DNM1: variants seen among roughly 807,000 people sequenced by gnomAD.
The protein encoded by DNM1 is dynamin-1.
In DNM1, 29 loss-of-function variants were observed where a neutral mutation model predicts 104.6. The observed-to-expected ratio is 0.28, with a 90% CI of 0.21 to 0.38. DNM1 has a LOEUF of 0.38. Among genes scored for constraint, DNM1 ranks in the 10% least tolerant of loss-of-function variants. The probability of loss-of-function intolerance (pLI) is 1.00; values close to 1 mark genes in which losing one functional copy is unlikely to be tolerated. For synonymous variants in DNM1, 445 were observed against 475.8 expected (o/e 0.94, Z 0.84); for missense variants, 640 against 1,189.4 (o/e 0.54, Z 6.79).
intron 10 of DNM1, among the ~76,000 whole-genome samples, chr9:128,225,194 C>T (rs1835267042): frequency 6.6e-6 from 1 of 152,188 alleles, no homozygotes; most frequent in African/African-American, 2.4e-5. Flanking sequence ...CTCCTCGATT[C>T]CACCCTCCAG....
intron 1 of DNM1, among the ~76,000 whole-genome samples, chr9:128,215,381 G>A (rs918780391): frequency 5.9e-5 from 9 of 152,224 alleles, no homozygotes; most frequent in Non-Finnish European, 1.0e-4. Flanking sequence ...AGGAGCATGC[G>A]TCTGGACAAA....
At position 128,218,024 on chromosome 9, in the gene DNM1, T is replaced by C. The variant is rs147974896; in HGVS notation, c.162-207T>C. On this transcript the variant is annotated intron_variant, in intron 1 of 21. Coordinates refer to ENST00000372923, the MANE Select transcript of DNM1 (RefSeq NM_004408.4). The surrounding 1 kb of genome is among the most constrained non-coding windows in gnomAD (Gnocchi z 4.8). ...CTCTTGGCAGCTCAGATGCATAAAT[T>C]CTGTGACCCAGGCGACTTGAGGAAA... 3.5e-4 allele frequency among the ~76,000 whole-genome samples: 54 copies of C among 152,268 alleles called. No individual in the cohort carries two copies. Among genetic ancestry groups the C allele is most frequent in the Admixed American group, 8.5e-4 (13 of 15,286 alleles).
chr9:128,209,409 G>C (rs1309779529), intron 1 of DNM1, among the ~76,000 whole-genome samples: 1 of 152,162 alleles, frequency 6.6e-6, no homozygotes, highest in African/African-American at 2.4e-5. Flanking sequence ...GAGAGGGTGG[G>C]CAGGGCAGGA....
chr9:128,250,059 G>C, intron 19 of DNM1, 56 bp from the exon 20 acceptor site: 1 of 1,612,596 alleles, frequency 6.2e-7, no homozygotes. Context: ...CGGTGGGGCG[G>C]CCAGGGCGGC....
At chr9:128,244,162 G>T (rs888703065) in intron 15 of DNM1, among the ~76,000 whole-genome samples, 2 of 151,878 alleles carry the variant, frequency 1.3e-5, no homozygotes, top group Non-Finnish European at 2.9e-5. Context: ...AGGAGGGAGG[G>T]TGTGAGTATG....
At position 128,254,697 on chromosome 9, in the gene DNM1, C is replaced by G; in HGVS notation, c.2578C>G (p.Pro860Ala). 6.3e-7 allele frequency: 1 copy of G among 1,596,224 alleles called. No homozygotes were observed. The highest frequency in any genetic ancestry group is 8.5e-7 in the Non-Finnish European group (1 of 1,179,612). ...ASPSRPESPR[P>A]PFDL is the part of the protein sequence containing the mutation. Reference sequence around the variant, plus strand: ...TCCATCCCGTCCTGAGAGCCCCAGGCCCCCCTTCGACCTCTAAACAGATCC... The same window carrying G: ...TCCATCCCGTCCTGAGAGCCCCAGGGCCCCCTTCGACCTCTAAACAGATCC... Residue 860 changes from proline to alanine, a missense_variant, in exon 22 of 22, where the codon CCC becomes GCC. Pro to Ala is a conservative substitution (Grantham distance 27). This residue lies in a region of DNM1 where 37 missense variants were observed against 35.6 expected (regional missense o/e 1.04). Coordinates refer to ENST00000372923, the MANE Select transcript of DNM1 (RefSeq NM_004408.4). This position sits in a 1 kb window ranked among gnomAD's most constrained non-coding sequence, Gnocchi z 6.1.
At position 128,248,532 on chromosome 9, in the gene DNM1, A is replaced by C. The variant is rs1443543548; in HGVS notation, c.1906-51A>C. ...GGGCTGAGATCCTGGGGATGCCTGG[A>C]GCCTGGCTGCATGGCCTGGCCACCT... On this transcript the variant is annotated intron_variant, in intron 18 of 21. Coordinates refer to ENST00000372923, the MANE Select transcript of DNM1 (RefSeq NM_004408.4). This position sits in a 1 kb window ranked among gnomAD's most constrained non-coding sequence, Gnocchi z 5.6. 1 of 1,592,434 alleles carries C rather than the reference A, an allele frequency of 6.3e-7. No homozygotes were observed. The highest frequency in any genetic ancestry group is 8.6e-7 in the Non-Finnish European group (1 of 1,164,728).
intron 1 of DNM1, among the ~76,000 whole-genome samples, chr9:128,207,161 G>T (rs1041857042): frequency 6.6e-6 from 1 of 152,082 alleles, no homozygotes; most frequent in Non-Finnish European, 1.5e-5. Context: ...GGAGCAGACT[G>T]GGGGGATGGG....
chr9:128,213,598 C>T (rs763623283), intron 1 of DNM1, among the ~76,000 whole-genome samples: 9 of 152,114 alleles, frequency 5.9e-5, no homozygotes, highest in Non-Finnish European at 1.3e-4. Flanking sequence ...GGAGAGAGCA[C>T]CTACCCGGAC....
rs1479873754 is a variant in DNM1 at position 128,254,318 on chromosome 9, G to A, written c.2535-336G>A. On this transcript the variant is annotated intron_variant, in intron 21 of 21. Transcript: ENST00000372923. The surrounding 1 kb of genome is among the most constrained non-coding windows in gnomAD (Gnocchi z 6.1). ...AGTGGGTTGGAAGACAGGGTGACCA[G>A]AGAAGAGGGAAGCCCGAGGGGGCCG... 14 of 1,398,314 alleles carry A rather than the reference G, an allele frequency of 1.0e-5. No homozygotes were observed. The highest frequency in any genetic ancestry group is 1.3e-5 in the Non-Finnish European group (14 of 1,086,288). The allele number at this position is 1,398,314 out of a possible 1,614,324, so 86.6% of individuals were successfully genotyped here.
intron 1 of DNM1, among the ~76,000 whole-genome samples, chr9:128,215,998 G>A (rs1429362310): frequency 6.6e-6 from 1 of 152,124 alleles, no homozygotes; most frequent in Non-Finnish European, 1.5e-5. Context: ...TAAAGGATGG[G>A]AGAGATTGAG....
At chr9:128,234,171 A>T in intron 11 of DNM1, 64 bp downstream of exon 11, 1 of 1,333,232 alleles carries the variant, frequency 7.5e-7, no homozygotes, top group East Asian at 2.7e-5. Flanking sequence ...TGCGCCTTCC[A>T]CTCCTGGCCC....
chr9:128,218,500 T>C lies in DNM1; in HGVS notation c.236-82T>C. 2.0e-6 allele frequency: 3 copies of C among 1,514,848 alleles called. No individual in the cohort carries two copies. Among genetic ancestry groups the C allele is most frequent in the Non-Finnish European group, 1.8e-6 (2 of 1,105,862 alleles). The allele number at this position is 1,514,848 out of a possible 1,614,324, so 93.8% of individuals were successfully genotyped here. A position where few individuals can be genotyped will look rare whatever the true frequency, so the allele number is the denominator to read the frequency against. ...GCTTGGGTGTGTCTAGGGGGTTCTATTACCGGTGGGAGATGAAAACCCCCA... is the reference window on the plus strand; with the variant it reads ...GCTTGGGTGTGTCTAGGGGGTTCTACTACCGGTGGGAGATGAAAACCCCCA... On this transcript the variant is annotated intron_variant, in intron 2 of 21. Transcript: ENST00000372923. This position sits in a 1 kb window ranked among gnomAD's most constrained non-coding sequence, Gnocchi z 4.8.
chr9:128,238,413 G>A (rs910586379), intron 11 of DNM1, among the ~76,000 whole-genome samples: 2 of 151,438 alleles, frequency 1.3e-5, no homozygotes, highest in Non-Finnish European at 2.9e-5. Flanking sequence ...TAGTAGAGAC[G>A]GGATTTCTCC....
Position 128,203,387 on chromosome 9 carries a change from C to A in DNM1, c.-84C>A. On this transcript the variant is annotated 5_prime_UTR_variant, in exon 1 of 22. Transcript: ENST00000372923. The surrounding 1 kb of genome is among the most constrained non-coding windows in gnomAD (Gnocchi z 5.3). ...GGCCCCGCGGCGCAGGCAGTCTGGG[C>A]GCGCGGCTGCAGCGGCGGAGCCGGA... 1.6e-6 allele frequency: 2 copies of A among 1,276,152 alleles called. No homozygotes were observed. Among genetic ancestry groups the A allele is most frequent in the South Asian group, 4.0e-5 (2 of 49,656 alleles). The allele number at this position is 1,276,152 out of a possible 1,614,324, so 79.1% of individuals were successfully genotyped here. A position where few individuals can be genotyped will look rare whatever the true frequency, so the allele number is the denominator to read the frequency against.
chr9:128,234,115 C>T lies in DNM1; in HGVS notation c.1422+8C>T. ...GGCCGCACTAAGGAGCAGGTGAGCCCCGCAGCACCCGGCCTGGCCGCGCCT... is the reference window on the plus strand; with the variant it reads ...GGCCGCACTAAGGAGCAGGTGAGCCTCGCAGCACCCGGCCTGGCCGCGCCT... On this transcript the variant is annotated splice_region_variant and intron_variant, in intron 11 of 21. Transcript: ENST00000372923. The T allele has an allele frequency of 6.5e-7, 1 of 1,529,926 alleles. No homozygotes were observed. The highest frequency in any genetic ancestry group is 8.8e-7 in the Non-Finnish European group (1 of 1,134,816). 94.8% of individuals were successfully genotyped at this position (1,529,926 alleles called of 1,614,324 possible). A position where few individuals can be genotyped will look rare whatever the true frequency, so the allele number is the denominator to read the frequency against.
chr9:128,254,343 G>C lies in DNM1; in HGVS notation c.2535-311G>C. 2 of 1,402,108 alleles carry C rather than the reference G, an allele frequency of 1.4e-6. No homozygotes were observed. Among genetic ancestry groups the C allele is most frequent in the South Asian group, 1.7e-5 (1 of 60,224 alleles). 86.9% of individuals were successfully genotyped at this position (1,402,108 alleles called of 1,614,324 possible). A position where few individuals can be genotyped will look rare whatever the true frequency, so the allele number is the denominator to read the frequency against. ...GAGAAGAGGGAAGCCCGAGGGGGCC[G>C]AGCATCAGCCTGAATTGCGGGTGCC... is the stretch of plus-strand genomic sequence containing the variant. On this transcript the variant is annotated intron_variant, in intron 21 of 21. Transcript: ENST00000372923. The surrounding 1 kb of genome is among the most constrained non-coding windows in gnomAD (Gnocchi z 6.1).
intron 11 of DNM1, 31 bp from the exon 12 acceptor site, chr9:128,239,414 C>T (rs368111357): frequency 1.5e-5 from 24 of 1,593,796 alleles, no homozygotes; most frequent in East Asian, 2.2e-5. Context: ...GTGTCTTTTG[C>T]GCTTGCCCAC....
Position 128,236,793 on chromosome 9 carries a change from A to C in DNM1, c.1423-2652A>C, listed in dbSNP as rs557452442. On this transcript the variant is annotated intron_variant, in intron 11 of 21. Coordinates refer to ENST00000372923, the MANE Select transcript of DNM1 (RefSeq NM_004408.4). Reference sequence around the variant, plus strand: ...CCTGAGCCCAGGAAGTGGAGGCTGCAGTGACCCATGATCATGCCACTGCAT... The same window carrying C: ...CCTGAGCCCAGGAAGTGGAGGCTGCCGTGACCCATGATCATGCCACTGCAT... 6.0e-4 allele frequency among the ~76,000 whole-genome samples: 92 copies of C among 152,336 alleles called. 1 individual carries two copies. Among genetic ancestry groups the C allele is most frequent in the Admixed American group, 3.8e-3 (58 of 15,298 alleles).
Sources: allele counts gnomAD v4.1 joint callset (sites outside exome capture counted in the v4.1 genomes callset), GRCh38; gene constraint gnomAD v4.1.1; regional missense constraint gnomAD v4.1.1; non-coding constraint Gnocchi (gnomAD v3.1); transcripts MANE v1.5; gene names NCBI Gene and HGNC (gene_info 2026-07-23, HGNC 2026-07-21).